The following ANKRD24 variants were observed in gnomAD, a reference collection of about 807,000 sequenced individuals.
ANKRD24 encodes the protein ankyrin repeat domain-containing protein 24.
Under a neutral mutation model 127.8 loss-of-function variants are expected in ANKRD24, and 109 were observed. That is an observed-to-expected ratio of 0.85 (90% CI 0.73 to 1.00). The LOEUF (loss-of-function observed/expected upper bound fraction) is 1.00. Among genes scored for constraint, ANKRD24 ranks in the 50% least tolerant of loss-of-function variants. The pLI is 0.00. For missense variants in ANKRD24, 1,648 were observed against 1,570.2 expected, an observed-to-expected ratio of 1.05 and a Z score of -0.84; for synonymous variants, 743 against 671.1, an observed-to-expected ratio of 1.11 and a Z score of -1.66.
At position 4,217,721 on chromosome 19, in the gene ANKRD24, G is replaced by A. The variant is rs1376137094; in HGVS notation, c.2561G>A (p.Arg854Gln). ...CAGAGCCGGGAGCTGGAGGTTCTGC[G>A]GGAGCAGCTGGCCACGGCCAGGGCC... ...LEQSRELEVL[R>Q]EQLATARATG... The change falls in exon 18 of 22, where the codon CGG (arginine) becomes CAG (glutamine). Residue 854 changes from arginine to glutamine, a missense_variant. Transcript: ENST00000318934. 7.7e-6 allele frequency: 10 copies of A among 1,292,792 alleles called. No individual in the cohort carries two copies. The highest frequency in any genetic ancestry group is 7.8e-6 in the Non-Finnish European group (8 of 1,024,742). The allele number at this position is 1,292,792 out of a possible 1,614,324, so 80.1% of individuals were successfully genotyped here.
chr19:4,203,957 CTTTTTTTTTTTT>C (rs34885254), intron 7 of ANKRD24, among the ~76,000 whole-genome samples: 1 of 62,358 alleles, frequency 1.6e-5, no homozygotes, highest in Non-Finnish European at 2.8e-5. Flanking sequence ...GCCCTTCTCC[CTTTTTTTTTTTT>C]TTTTTTTTTT....
chr19:4,208,932 A>C, intron 11 of ANKRD24, 131 bp downstream of exon 11: 1 of 884,496 alleles, frequency 1.1e-6, no homozygotes, highest in Admixed American at 2.6e-5. Flanking sequence ...TGCTACCTTC[A>C]GGGTATGCTG....
chr19:4,209,490 C>G (rs919517732), intron 11 of ANKRD24, among the ~76,000 whole-genome samples: 1 of 151,740 alleles, frequency 6.6e-6, no homozygotes, highest in Admixed American at 6.6e-5. Context: ...CGCCCTGTCA[C>G]CCAGGCTGGA....
chr19:4,200,228 G>T, intron 5 of ANKRD24, 57 bp downstream of exon 5: 2 of 1,513,124 alleles, frequency 1.3e-6, no homozygotes, highest in Non-Finnish European at 8.9e-7. Flanking sequence ...TGCCCAGCCT[G>T]AGGGTCCAGC....
rs201895992 is a variant in ANKRD24 at position 4,224,531 on chromosome 19, T to G, written c.*26T>G. On this transcript the variant is annotated 3_prime_UTR_variant, in exon 22 of 22. Transcript: ENST00000318934. ...GAAAGGCCAGGCCCAGTGGCTACAC[T>G]GACCACACCCACGCAGGGACCTCAC... is the stretch of plus-strand genomic sequence containing the variant. The G allele has an allele frequency of 8.0e-5, 127 of 1,594,648 alleles. 1 individual carries two copies. In the Middle Eastern group the frequency reaches 4.8e-3, roughly 60 times the overall value.
rs775627411 is a variant in ANKRD24 at position 4,202,024 on chromosome 19, A to G, written c.344-2A>G. Reference sequence around the variant, plus strand: ...TCCAGTAAATCTTCTTTCCTTCCCCAGGTTACAATGCCCTCCACCTGGCCG... The same window carrying G: ...TCCAGTAAATCTTCTTTCCTTCCCCGGGTTACAATGCCCTCCACCTGGCCG... On this transcript the variant is annotated splice_acceptor_variant, in intron 5 of 21. Coordinates refer to ENST00000318934, the MANE Select transcript of ANKRD24 (RefSeq NM_001393985.1). LOFTEE classifies it high-confidence loss of function. The G allele has an allele frequency of 6.2e-7, 1 of 1,613,790 alleles. No individual in the cohort carries two copies.
rs373592572 is a variant in ANKRD24 at position 4,206,531 on chromosome 19, T to C, written c.467-711T>C. 1.4e-3 allele frequency among the ~76,000 whole-genome samples: 207 copies of C among 150,938 alleles called. 2 individuals carry two copies. The highest frequency in any genetic ancestry group is 4.8e-3 in the African/African-American group (196 of 41,080). ...CACATGCCTTGTAGTGTGGGTCTCA[T>C]TCCTGTAATCCCAGCCCCTTGGGAG... On this transcript the variant is annotated intron_variant, in intron 7 of 21. Transcript: ENST00000318934.
Position 4,207,767 on chromosome 19 carries a change from C to G in ANKRD24, c.645-14C>G, listed in dbSNP as rs755217002. 6.4e-7 allele frequency: 1 copy of G among 1,565,516 alleles called. No individual in the cohort carries two copies. On this transcript the variant is annotated splice_polypyrimidine_tract_variant and intron_variant, in intron 9 of 21. Coordinates refer to ENST00000318934, the MANE Select transcript of ANKRD24 (RefSeq NM_001393985.1). ...GGATGTTCTCATCTCCTCAGTAGCC[C>G]CCTCCCCTGGTAGGACGGCCCTGAT...
At chr19:4,212,735 G>T in intron 15 of ANKRD24, 37 bp downstream of exon 15, 1 of 1,533,708 alleles carries the variant, frequency 6.5e-7, no homozygotes, top group South Asian at 1.2e-5. Context: ...GGCTGGGGCT[G>T]GGTCGGGGAA....
chr19:4,207,187 G>A (rs1969437851), intron 7 of ANKRD24, 55 bp from the exon 8 acceptor site: 3 of 1,537,196 alleles, frequency 2.0e-6, no homozygotes, highest in Non-Finnish European at 2.7e-6. Context: ...GCCTCCCAAG[G>A]TGCTGGGATT....
chr19:4,208,791 C>A lies in ANKRD24; in HGVS notation c.860C>A (p.Ala287Glu), dbSNP rs117198027. ...SALTEDDSGE[A>E]SSQNSMSSHG... Reference sequence around the variant, plus strand: ...CTCACAGAGGATGATTCAGGCGAGGCGTCATCTCAGGTATGGACCCCTAAG... The same window carrying A: ...CTCACAGAGGATGATTCAGGCGAGGAGTCATCTCAGGTATGGACCCCTAAG... The change falls in exon 11 of 22, where the codon GCG (alanine) becomes GAG (glutamate). Residue 287 changes from alanine to glutamate, a missense_variant. Ala to Glu is a moderately radical substitution (Grantham distance 107). Coordinates refer to ENST00000318934, the MANE Select transcript of ANKRD24 (RefSeq NM_001393985.1). 4 of 1,613,140 alleles carry A rather than the reference C, an allele frequency of 2.5e-6. No homozygotes were observed. The highest frequency in any genetic ancestry group is 4.5e-5 in the East Asian group (2 of 44,844).
At position 4,217,922 on chromosome 19, in the gene ANKRD24, G is replaced by C; in HGVS notation, c.2762G>C (p.Arg921Pro). Residue 921 changes from arginine to proline, a missense_variant, in exon 18 of 22, where the codon CGG (arginine) becomes CCG (proline). Arg to Pro is a moderately radical substitution (Grantham distance 103, BLOSUM62 -2). Transcript: ENST00000318934. ...GTGGTGCCGGCCTCTGAGCACCGCCGGCTGCAGGAGGAGGCCCTGGAGCTG... is the reference window on the plus strand; with the variant it reads ...GTGGTGCCGGCCTCTGAGCACCGCCCGCTGCAGGAGGAGGCCCTGGAGCTG... ...QSVVPASEHR[R>P]LQEEALELRG... is the part of the protein sequence containing the mutation. 1 of 1,493,146 alleles carries C rather than the reference G, an allele frequency of 6.7e-7. No individual in the cohort carries two copies. The highest frequency in any genetic ancestry group is 8.9e-7 in the Non-Finnish European group (1 of 1,128,822). 92.5% of individuals were successfully genotyped at this position (1,493,146 alleles called of 1,614,324 possible).
chr19:4,218,993 C>T (rs1423744062), intron 18 of ANKRD24, among the ~76,000 whole-genome samples: 2 of 152,078 alleles, frequency 1.3e-5, no homozygotes, highest in African/African-American at 4.8e-5. Flanking sequence ...GTCTCAAACA[C>T]CTGAGCTCAT....
chr19:4,207,759 C>CT, intron 9 of ANKRD24, 22 bp from the exon 10 acceptor site: 1 of 1,563,678 alleles, frequency 6.4e-7, no homozygotes. Flanking sequence ...CTCATCTCCT[C>CT]AGTAGCCCCC....
rs774584487 is a variant in ANKRD24, at chr19:4,199,799, C to T, written c.123+30C>T. ...GTGCCCAGGGGCAGGTGGTGAGAGC[C>T]CGGAGCCCCTGTCGGGGGCGTGGGG... is the stretch of plus-strand genomic sequence containing the variant. On this transcript the variant is annotated intron_variant, in intron 3 of 21. Coordinates refer to ENST00000318934, the MANE Select transcript of ANKRD24 (RefSeq NM_001393985.1). This position sits in a 1 kb window ranked among gnomAD's most constrained non-coding sequence, Gnocchi z 5.2. The T allele has an allele frequency of 1.3e-6, 2 of 1,517,222 alleles. No individual in the cohort carries two copies. The highest frequency in any genetic ancestry group is 1.8e-6 in the Non-Finnish European group (2 of 1,132,496). 94.0% of individuals were successfully genotyped at this position (1,517,222 alleles called of 1,614,324 possible).
At chr19:4,208,695 C>T (rs1351491409) in intron 10 of ANKRD24, 69 bp from the exon 11 acceptor site, 4 of 1,515,954 alleles carry the variant, frequency 2.6e-6, no homozygotes, top group African/African-American at 2.8e-5. Context: ...CTACAAGTCC[C>T]TGGGGCCCAC....
chr19:4,182,942 G>T (rs3760905), intron 1 of ANKRD24, among the ~76,000 whole-genome samples: 28,253 of 145,024 alleles, frequency 0.19, 3,315 homozygotes, highest in East Asian at 0.55. Flanking sequence ...TGAATGCCAC[G>T]CAGAGTTACC....
At chr19:4,188,166 C>T (rs1390452239) in intron 2 of ANKRD24, among the ~76,000 whole-genome samples, 4 of 152,028 alleles carry the variant, frequency 2.6e-5, no homozygotes, top group Admixed American at 2.6e-4. Context: ...CAACCTCCAC[C>T]TCCCGGGTTC....
At chr19:4,188,047 G>A (rs1968167102) in intron 2 of ANKRD24, among the ~76,000 whole-genome samples, 1 of 152,120 alleles carries the variant, frequency 6.6e-6, no homozygotes, top group Non-Finnish European at 1.5e-5. Context: ...AGAGAGGCCT[G>A]TGGAACAAGC....
Sources: gnomAD v4.1 joint callset for allele counts (sites outside exome capture counted in the v4.1 genomes callset) on GRCh38, gnomAD v4.1.1 for gene constraint, Gnocchi (gnomAD v3.1) non-coding constraint, MANE v1.5 for transcripts, NCBI Gene and HGNC (gene_info 2026-07-23, HGNC 2026-07-21) for gene names.